USP6NL: variants seen among roughly 807,000 people sequenced by gnomAD.
The protein encoded by USP6NL is USP6 N-terminal-like protein.
In USP6NL, 26 loss-of-function variants were observed where a neutral mutation model predicts 61.9. The observed-to-expected ratio is 0.42, with a 90% CI of 0.31 to 0.58. The LOEUF (loss-of-function observed/expected upper bound fraction) is 0.58. USP6NL is among the 20% of genes least tolerant of loss of function. The probability of loss-of-function intolerance (pLI) is 0.16; values close to 1 mark genes in which losing one functional copy is unlikely to be tolerated. For missense variants in USP6NL, 1,114 were observed against 1,034.3 expected (o/e 1.08, Z -1.06); for synonymous variants, 432 against 390.1 (o/e 1.11, Z -1.27).
At chr10:11,567,849 T>C (rs1591937267) in intron 2 of USP6NL, among the ~76,000 whole-genome samples, 1 of 152,210 alleles carries the variant, frequency 6.6e-6, no homozygotes, top group East Asian at 1.9e-4. Flanking sequence ...TACACTATTA[T>C]TACCTCTACT....
intron 4 of USP6NL, among the ~76,000 whole-genome samples, chr10:11,524,760 TA>T (rs1234557500): frequency 2.6e-5 from 4 of 152,148 alleles, no homozygotes; most frequent in Non-Finnish European, 5.9e-5. Context: ...AACTAAAGTA[TA>T]AAGATGAATA....
rs1836988032 is a variant in USP6NL, at chr10:11,562,663, T to C, written c.4+34968A>G. 2 of 985,230 alleles carry C rather than the reference T, an allele frequency of 2.0e-6. No individual in the cohort carries two copies. The highest frequency in any genetic ancestry group is 2.4e-6 in the Non-Finnish European group (2 of 829,932). 61.0% of individuals were successfully genotyped at this position (985,230 alleles called of 1,614,324 possible). On this transcript the variant is annotated intron_variant, in intron 2 of 14. Transcript: ENST00000609104. This position sits in a 1 kb window ranked among gnomAD's most constrained non-coding sequence, Gnocchi z 4.8. ...AATTATTTGTGACACTCAACATTCATATGTTGTTAGCCACTTGTATTTCTG... is the reference window on the plus strand; with the variant it reads ...AATTATTTGTGACACTCAACATTCACATGTTGTTAGCCACTTGTATTTCTG...
At chr10:11,544,474 T>C (rs1347743021) in intron 2 of USP6NL, among the ~76,000 whole-genome samples, 1 of 152,130 alleles carries the variant, frequency 6.6e-6, no homozygotes, top group Non-Finnish European at 1.5e-5. Flanking sequence ...ATAACAGTAA[T>C]CTAAATTTTC....
At position 11,463,811 on chromosome 10, in the gene USP6NL, G is replaced by A. The variant is rs181750556; in HGVS notation, c.1117C>T (p.Leu373Phe). 5 of 1,481,218 alleles carry A rather than the reference G, an allele frequency of 3.4e-6. No homozygotes were observed. In the Admixed American group the frequency reaches 1.3e-4, roughly 39 times the overall value. 91.8% of individuals were successfully genotyped at this position (1,481,218 alleles called of 1,614,324 possible). A position where few individuals can be genotyped will look rare whatever the true frequency, so the allele number is the denominator to read the frequency against. ...DEYPKKPLGQ[L>F]PPELQSWGVH... ...CCCCAAGACTGAAGTTCAGGTGGAAGCTGCCCCAAGGGCTTCTTTGGATAT... is the reference window on the plus strand; with the variant it reads ...CCCCAAGACTGAAGTTCAGGTGGAAACTGCCCCAAGGGCTTCTTTGGATAT... Residue 373 changes from leucine to phenylalanine, a missense_variant, in exon 15 of 15, where the codon CTT becomes TTT. Coordinates refer to ENST00000609104, the MANE Select transcript of USP6NL (RefSeq NM_014688.5). This position sits in a 1 kb window ranked among gnomAD's most constrained non-coding sequence, Gnocchi z 6.3.
chr10:11,462,549 G>A lies in USP6NL; in HGVS notation c.2379C>T (p.Ala793=). The part of the protein sequence containing the change: ...DSPVRYKASP[A]AEDASPSGYP... Reference sequence around the variant, plus strand: ...ATCCAGATGGACTGGCATCTTCTGCGGCCGGTGAAGCTTTATATCTCACGG... The same window carrying A: ...ATCCAGATGGACTGGCATCTTCTGCAGCCGGTGAAGCTTTATATCTCACGG... The change falls in exon 15 of 15, where the codon GCC becomes GCT. Residue 793 remains alanine (A), a synonymous_variant. Transcript: ENST00000609104. The A allele has an allele frequency of 2.5e-6, 4 of 1,613,998 alleles. No homozygotes were observed. The highest frequency in any genetic ancestry group is 1.3e-5 in the African/African-American group (1 of 75,018).
chr10:11,477,180 G>C (rs915593534), intron 14 of USP6NL, among the ~76,000 whole-genome samples: 1 of 152,058 alleles, frequency 6.6e-6, no homozygotes, highest in African/African-American at 2.4e-5. Context: ...CCAAGAATTC[G>C]ACTTTATGGA....
At chr10:11,473,012 T>C (rs1308589402) in intron 14 of USP6NL, among the ~76,000 whole-genome samples, 1 of 152,172 alleles carries the variant, frequency 6.6e-6, no homozygotes, top group Non-Finnish European at 1.5e-5. Flanking sequence ...TGTAACATCA[T>C]TTTACATTAT....
chr10:11,535,617 T>C (rs899364612), intron 2 of USP6NL, among the ~76,000 whole-genome samples: 11 of 152,190 alleles, frequency 7.2e-5, no homozygotes, highest in African/African-American at 2.7e-4. Context: ...CCAAAGCTGC[T>C]TCATGCTTCA....
At position 11,489,469 on chromosome 10, in the gene USP6NL, A is replaced by G. The variant is rs1439211612; in HGVS notation, c.544-247T>C. The stretch of plus-strand genomic sequence containing the variant: ...ATTTTTATTGGACTCGGTCTTCAAT[A>G]CTGTCACACTTTCTTTAAAGAGTGA... On this transcript the variant is annotated intron_variant, in intron 9 of 14. Transcript: ENST00000609104. This position sits in a 1 kb window ranked among gnomAD's most constrained non-coding sequence, Gnocchi z 5.7. Among the ~76,000 whole-genome samples the G allele has an allele frequency of 6.6e-6, 1 of 152,240 alleles. No homozygotes were observed. Among genetic ancestry groups the G allele is most frequent in the Non-Finnish European group, 1.5e-5 (1 of 68,042 alleles).
chr10:11,554,966 A>ATTTTTTTT (rs764342021), intron 2 of USP6NL, among the ~76,000 whole-genome samples: 1 of 111,856 alleles, frequency 8.9e-6, no homozygotes, highest in Non-Finnish European at 1.8e-5. Flanking sequence ...TGCCCGGCTA[A>ATTTTTTTT]TTTTTTTTTT....
chr10:11,558,373 T>C (rs1836798020), intron 2 of USP6NL, among the ~76,000 whole-genome samples: 2 of 152,202 alleles, frequency 1.3e-5, no homozygotes, highest in African/African-American at 2.4e-5. Flanking sequence ...TTTCTCCTCG[T>C]CCTCAACAAG....
chr10:11,515,910 CATTAA>C (rs1473254778), intron 5 of USP6NL, among the ~76,000 whole-genome samples: 3 of 152,138 alleles, frequency 2.0e-5, no homozygotes, highest in Non-Finnish European at 2.9e-5. Flanking sequence ...TTTCATACTA[CATTAA>C]ATTAAGATTT....
At chr10:11,610,765 A>C (rs1011622581) in intron 1 of USP6NL, among the ~76,000 whole-genome samples, 5 of 152,014 alleles carry the variant, frequency 3.3e-5, no homozygotes, top group African/African-American at 1.2e-4. Context: ...TTGGGAAAGA[A>C]AGGGATAAGG....
chr10:11,519,791 T>G (rs1835130667), intron 4 of USP6NL, among the ~76,000 whole-genome samples: 1 of 152,236 alleles, frequency 6.6e-6, no homozygotes, highest in African/African-American at 2.4e-5. Flanking sequence ...TTGTATTAAC[T>G]GTCAGTAATA....
chr10:11,485,588 T>C lies in USP6NL; in HGVS notation c.759+229A>G, dbSNP rs1414241963. Among the ~76,000 whole-genome samples the C allele has an allele frequency of 1.3e-5, 2 of 152,200 alleles. No individual in the cohort carries two copies. Among genetic ancestry groups the C allele is most frequent in the Non-Finnish European group, 2.9e-5 (2 of 68,016 alleles). On this transcript the variant is annotated intron_variant, in intron 11 of 14. Transcript: ENST00000609104. This position sits in a 1 kb window ranked among gnomAD's most constrained non-coding sequence, Gnocchi z 4.8. ...TCTTTAAATTATCACATTGTTTGTATCATTAGCTTCAAAGAAGTTCAAATC... is the reference window on the plus strand; with the variant it reads ...TCTTTAAATTATCACATTGTTTGTACCATTAGCTTCAAAGAAGTTCAAATC...
rs1004604748 is a variant in USP6NL, at chr10:11,600,688, G to C, written c.-83-2971C>G. ...AAATAAGCATTAAAAATGTTTATCAGGCTGGGCACGGTGGCTCACGCCTGT... is the reference window on the plus strand; with the variant it reads ...AAATAAGCATTAAAAATGTTTATCACGCTGGGCACGGTGGCTCACGCCTGT... On this transcript the variant is annotated intron_variant, in intron 1 of 14. Transcript: ENST00000609104. This position sits in a 1 kb window ranked among gnomAD's most constrained non-coding sequence, Gnocchi z 4.1. 2.0e-5 allele frequency among the ~76,000 whole-genome samples: 3 copies of C among 152,168 alleles called. No individual in the cohort carries two copies. Among genetic ancestry groups the C allele is most frequent in the African/African-American group, 4.8e-5 (2 of 41,424 alleles).
intron 2 of USP6NL, among the ~76,000 whole-genome samples, chr10:11,593,848 T>C (rs984054436): frequency 2.0e-5 from 3 of 152,332 alleles, no homozygotes; most frequent in East Asian, 3.9e-4. Context: ...TCTAAACAGC[T>C]TCTTCAGTTT....
chr10:11,586,957 GT>G (rs1837989839), intron 2 of USP6NL, among the ~76,000 whole-genome samples: 1 of 152,058 alleles, frequency 6.6e-6, no homozygotes, highest in Non-Finnish European at 1.5e-5. Context: ...CAGCTGGAAG[GT>G]TTCCTTAAAG....
chr10:11,507,334 C>T (rs1170718719), intron 6 of USP6NL, among the ~76,000 whole-genome samples: 2 of 152,200 alleles, frequency 1.3e-5, no homozygotes, highest in African/African-American at 4.8e-5. Flanking sequence ...CAAATGTAGG[C>T]CAATCTGAGA....
Sources: gnomAD v4.1 joint callset for allele counts (sites outside exome capture counted in the v4.1 genomes callset) on GRCh38, gnomAD v4.1.1 for gene constraint, Gnocchi (gnomAD v3.1) non-coding constraint, MANE v1.5 for transcripts, NCBI Gene and HGNC (gene_info 2026-07-23, HGNC 2026-07-21) for gene names.